The following NLGN1 variants were observed in gnomAD, a reference collection of about 807,000 sequenced individuals.
NLGN1 encodes the protein neuroligin 1, also known as neuroligin-1.
NLGN1 carries 12 observed loss-of-function variants against 65.5 expected under a neutral mutation model. The observed-to-expected ratio is 0.18, with a 90% CI of 0.12 to 0.30. The LOEUF is 0.30. NLGN1 is among the 10% of genes least tolerant of loss of function. NLGN1 has a pLI of 1.00. For missense variants in NLGN1, 750 were observed against 1,007.1 expected (o/e 0.74, Z 3.46); for synonymous variants, 350 against 359.5 (o/e 0.97, Z 0.30).
At chr3:173,708,576 C>G (rs1347950707) in intron 3 of NLGN1, among the ~76,000 whole-genome samples, 5 of 152,112 alleles carry the variant, frequency 3.3e-5, no homozygotes, top group Non-Finnish European at 5.9e-5. Context: ...GGCAAGATAT[C>G]TCAGAGTTTT....
At chr3:173,933,925 T>C (rs1391260463) in intron 4 of NLGN1, among the ~76,000 whole-genome samples, 7 of 151,978 alleles carry the variant, frequency 4.6e-5, no homozygotes, top group South Asian at 4.1e-4. Flanking sequence ...TATTAATATA[T>C]ATTATAAGTG....
chr3:173,768,005 A>G (rs935045712), intron 3 of NLGN1, among the ~76,000 whole-genome samples: 4 of 152,076 alleles, frequency 2.6e-5, no homozygotes, highest in African/African-American at 9.7e-5. Context: ...TTTTATTTTA[A>G]CATTAAGTAA....
At chr3:174,000,036 C>T (rs568890598) in intron 4 of NLGN1, among the ~76,000 whole-genome samples, 86 of 151,780 alleles carry the variant, frequency 5.7e-4, no homozygotes, top group Non-Finnish European at 1.0e-3. Context: ...TAAGGAGTTA[C>T]GTGGTGGATA....
chr3:173,922,328 A>G (rs962453799), intron 4 of NLGN1, among the ~76,000 whole-genome samples: 1 of 152,196 alleles, frequency 6.6e-6, no homozygotes, highest in Admixed American at 6.6e-5. Context: ...AAAGACACAA[A>G]TATAGTTTAG....
At position 173,986,004 on chromosome 3, in the gene NLGN1, T is replaced by A. The variant is rs573573922; in HGVS notation, c.646+178172T>A. Among the ~76,000 whole-genome samples, 4 of 152,172 alleles carry A rather than the reference T, an allele frequency of 2.6e-5. No individual in the cohort carries two copies. The South Asian group carries it at 8.3e-4, about 32-fold the overall frequency. Reference sequence around the variant, plus strand: ...GAAACTATTAAGATCTGCTGTGATTTGAATTATAGTTCCCTCAAGACTCAC... The same window carrying A: ...GAAACTATTAAGATCTGCTGTGATTAGAATTATAGTTCCCTCAAGACTCAC... On this transcript the variant is annotated intron_variant, in intron 4 of 6. Transcript: ENST00000457714.
At chr3:173,709,928 T>C (rs575202955) in intron 3 of NLGN1, among the ~76,000 whole-genome samples, 33 of 152,228 alleles carry the variant, frequency 2.2e-4, no homozygotes, top group African/African-American at 6.0e-4. Flanking sequence ...TTCAGTACTT[T>C]TGTAATATTT....
At chr3:174,252,014 G>A (rs779821476) in intron 4 of NLGN1, among the ~76,000 whole-genome samples, 1 of 151,978 alleles carries the variant, frequency 6.6e-6, no homozygotes, top group Non-Finnish European at 1.5e-5. Context: ...TTTTCTCAAG[G>A]TAGATAGAAT....
intron 3 of NLGN1, among the ~76,000 whole-genome samples, chr3:173,697,215 C>A (rs578224540): frequency 8.5e-5 from 13 of 152,254 alleles, no homozygotes; most frequent in African/African-American, 3.1e-4. Flanking sequence ...CATAAAACAA[C>A]CTGATGAGTT....
chr3:173,997,675 G>A (rs1248283374), intron 4 of NLGN1, among the ~76,000 whole-genome samples: 4 of 152,096 alleles, frequency 2.6e-5, no homozygotes, highest in Non-Finnish European at 5.9e-5. Context: ...GGCATAGTGA[G>A]TTTAAGTAAA....
At chr3:173,887,362 T>C (rs1055148615) in intron 4 of NLGN1, among the ~76,000 whole-genome samples, 2 of 152,034 alleles carry the variant, frequency 1.3e-5, no homozygotes, top group African/African-American at 4.8e-5. Context: ...CTTTTGTAGC[T>C]AACAACTTGA....
exon 3 of NLGN1, chr3:173,604,983 G>A (rs754333843): frequency 6.2e-7 from 1 of 1,613,684 alleles, no homozygotes; most frequent in East Asian, 2.2e-5. Context: ...ATTGCCAGAA[G>A]TCATGCTTCC....
At chr3:173,765,148 A>G (rs976855252) in intron 3 of NLGN1, among the ~76,000 whole-genome samples, 2 of 151,806 alleles carry the variant, frequency 1.3e-5, no homozygotes, top group East Asian at 1.9e-4. Flanking sequence ...ATTCAGAGAT[A>G]TAATTCCTTC....
intron 4 of NLGN1, among the ~76,000 whole-genome samples, chr3:173,976,411 T>C (rs1468890620): frequency 6.6e-6 from 1 of 151,826 alleles, no homozygotes; most frequent in African/African-American, 2.4e-5. Context: ...TCATTGGGAG[T>C]AACAGGATCA....
chr3:174,220,327 A>G (rs1476022050), intron 4 of NLGN1, among the ~76,000 whole-genome samples: 1 of 152,260 alleles, frequency 6.6e-6, no homozygotes, highest in East Asian at 1.9e-4. Context: ...CTAAATCAGT[A>G]TGGAGATCTC....
At chr3:174,033,861 AAG>A (rs1414087221) in intron 4 of NLGN1, among the ~76,000 whole-genome samples, 4 of 152,162 alleles carry the variant, frequency 2.6e-5, no homozygotes, top group Admixed American at 2.0e-4. Flanking sequence ...AAAGGGAAGA[AAG>A]AGAGAATGGA....
intron 1 of NLGN1, among the ~76,000 whole-genome samples, chr3:173,409,719 T>C (rs905289569): frequency 9.9e-5 from 15 of 152,248 alleles, no homozygotes; most frequent in Admixed American, 2.0e-4. Context: ...AATGCAAATA[T>C]CAGCAACCAA....
chr3:174,276,714 A>G (rs1260959571), intron 5 of NLGN1, among the ~76,000 whole-genome samples: 1 of 151,928 alleles, frequency 6.6e-6, no homozygotes, highest in Non-Finnish European at 1.5e-5. Flanking sequence ...TTTACATAAC[A>G]TTTCATTTAT....
At chr3:174,274,326 G>A (rs576273761) in intron 4 of NLGN1, among the ~76,000 whole-genome samples, 1 of 151,878 alleles carries the variant, frequency 6.6e-6, no homozygotes, top group Non-Finnish European at 1.5e-5. Context: ...AAAGCTATCA[G>A]GTCAGCTAAA....
chr3:173,552,464 G>T (rs962847504), intron 2 of NLGN1, among the ~76,000 whole-genome samples: 2 of 152,134 alleles, frequency 1.3e-5, no homozygotes, highest in African/African-American at 4.8e-5. Flanking sequence ...GCATTAAGTG[G>T]CATTGTTGCA....
Sources: gnomAD v4.1 joint callset for allele counts (sites outside exome capture counted in the v4.1 genomes callset) on GRCh38, gnomAD v4.1.1 for gene constraint, MANE v1.5 for transcripts, NCBI Gene and HGNC (gene_info 2026-07-23, HGNC 2026-07-21) for gene names.